Variants in DGKE observed in about 807,000 individuals in gnomAD.
DGKE encodes DAG kinase epsilon.
DGKE carries 53 observed loss-of-function variants against 70.0 expected under a neutral mutation model. That is an observed-to-expected ratio of 0.76 (90% CI 0.61 to 0.95). The LOEUF is 0.95. Among genes scored for constraint, DGKE ranks in the 40% least tolerant of loss-of-function variants. DGKE has a pLI of 0.00. For missense variants in DGKE, 655 were observed against 706.9 expected (o/e 0.93, Z 0.83); for synonymous variants, 291 against 257.0 (o/e 1.13, Z -1.27).
At chr17:56,850,874 G>A (rs1907604414) in intron 7 of DGKE, among the ~76,000 whole-genome samples, 2 of 152,196 alleles carry the variant, frequency 1.3e-5, no homozygotes, top group African/African-American at 4.8e-5. Flanking sequence ...TCACAAGCTA[G>A]ACTATAAATG....
At chr17:56,841,267 T>A (rs138344790) in intron 2 of DGKE, among the ~76,000 whole-genome samples, 2,499 of 98,344 alleles carry the variant, frequency 0.025, 72 homozygotes, top group African/African-American at 0.082. Context: ...AAAAAAAAAA[T>A]TTTTTTTAAA....
At position 56,835,145 on chromosome 17, in the gene DGKE, C is replaced by G. The variant is rs148908859; in HGVS notation, c.350C>G (p.Thr117Ser). Residue 117 changes from threonine to serine, a missense_variant, in exon 2 of 12, where the codon ACC becomes AGC. Thr to Ser is a moderately conservative substitution (Grantham distance 58). Coordinates refer to ENST00000284061, the MANE Select transcript of DGKE (RefSeq NM_003647.3). Reference sequence around the variant, plus strand: ...AAGGAGATTATGCTCAAGAATGACACCAAGGTCCTGGACGCCATGCCCCAC... The same window carrying G: ...AAGGAGATTATGCTCAAGAATGACAGCAAGGTCCTGGACGCCATGCCCCAC... ...QCKEIMLKND[T>S]KVLDAMPHHW... The G allele has an allele frequency of 2.5e-6, 4 of 1,613,970 alleles. No individual in the cohort carries two copies. The African/African-American group carries it at 5.3e-5, about 22-fold the overall frequency.
At chr17:56,857,551 T>C (rs1010969291) in intron 8 of DGKE, among the ~76,000 whole-genome samples, 10 of 152,234 alleles carry the variant, frequency 6.6e-5, no homozygotes, top group Admixed American at 1.3e-4. Flanking sequence ...TTTATTAATA[T>C]AGTTACTAAG....
intron 7 of DGKE, among the ~76,000 whole-genome samples, chr17:56,853,115 A>C (rs1487354481): frequency 2.0e-5 from 3 of 152,164 alleles, no homozygotes; most frequent in African/African-American, 7.2e-5. Flanking sequence ...ATGTCTCTTC[A>C]AGTCCTTTGC....
At chr17:56,851,923 C>T (rs767918729) in intron 7 of DGKE, among the ~76,000 whole-genome samples, 4 of 152,112 alleles carry the variant, frequency 2.6e-5, no homozygotes, top group Non-Finnish European at 5.9e-5. Flanking sequence ...AGCAAAGGAA[C>T]TGGACATGGG....
intron 2 of DGKE, among the ~76,000 whole-genome samples, chr17:56,841,206 G>A (rs1906957999): frequency 6.8e-6 from 1 of 146,932 alleles, no homozygotes; most frequent in African/African-American, 2.5e-5. Context: ...AGCCGAGATT[G>A]CACCACTGCA....
At position 56,834,839 on chromosome 17, in the gene DGKE, G is replaced by T. The variant is rs1433746703; in HGVS notation, c.44G>T (p.Gly15Val). 6.2e-7 allele frequency: 1 copy of T among 1,610,632 alleles called. No individual in the cohort carries two copies. The highest frequency in any genetic ancestry group is 8.5e-7 in the Non-Finnish European group (1 of 1,178,712). Residue 15 changes from glycine (G) to valine (V), a missense_variant, in exon 2 of 12, where the codon GGC (glycine) becomes GTC (valine). Gly to Val is a moderately radical substitution (Grantham distance 109). Transcript: ENST00000284061. ...RRPAPGSPSE[G>V]LFADGHLILW... ...CCGGCGCCGGGCTCGCCCTCCGAGGGCCTGTTTGCGGACGGGCACCTGATC... is the reference window on the plus strand; with the variant it reads ...CCGGCGCCGGGCTCGCCCTCCGAGGTCCTGTTTGCGGACGGGCACCTGATC...
chr17:56,839,780 C>G (rs1906852492), intron 2 of DGKE, among the ~76,000 whole-genome samples: 1 of 152,222 alleles, frequency 6.6e-6, no homozygotes, highest in African/African-American at 2.4e-5. Context: ...CTTGGCCTCC[C>G]AAAGTGCTGG....
intron 2 of DGKE, among the ~76,000 whole-genome samples, chr17:56,836,990 C>T (rs1906666126): frequency 6.6e-6 from 1 of 152,126 alleles, no homozygotes; most frequent in Admixed American, 6.6e-5. Flanking sequence ...CTCAGCTTCC[C>T]TCCTCCCCCA....
intron 2 of DGKE, among the ~76,000 whole-genome samples, chr17:56,843,421 A>G (rs1002560977): frequency 6.6e-6 from 1 of 152,114 alleles, no homozygotes; most frequent in African/African-American, 2.4e-5. Flanking sequence ...TGAGAGGTTG[A>G]GGGTGAAATA....
At chr17:56,858,117 C>T (rs1908063799) in intron 8 of DGKE, among the ~76,000 whole-genome samples, 1 of 150,574 alleles carries the variant, frequency 6.6e-6, no homozygotes, top group Admixed American at 6.6e-5. Flanking sequence ...TTCTATCCCA[C>T]ATTTCCCCTG....
chr17:56,866,323 A>T lies in DGKE; in HGVS notation c.*3532A>T, dbSNP rs1908524194. 1 of 152,172 alleles carries T rather than the reference A, an allele frequency of 6.6e-6. No homozygotes were observed. Among genetic ancestry groups the T allele is most frequent in the Non-Finnish European group, 1.5e-5 (1 of 68,034 alleles). 9.4% of individuals were successfully genotyped at this position (152,172 alleles called of 1,614,324 possible). On this transcript the variant is annotated 3_prime_UTR_variant, in exon 12 of 12. Transcript: ENST00000284061. ...ACTTAATGATTCCCTGTCTCTGGAGATGCAACATAGAAATCTCTGTTTTTA... is the reference window on the plus strand; with the variant it reads ...ACTTAATGATTCCCTGTCTCTGGAGTTGCAACATAGAAATCTCTGTTTTTA...
intron 2 of DGKE, 139 bp downstream of exon 2, chr17:56,835,398 C>T (rs960259165): frequency 1.4e-5 from 13 of 927,408 alleles, no homozygotes; most frequent in Non-Finnish European, 1.9e-5. Context: ...ATAAACATCC[C>T]TGAGTTTGTG....
At chr17:56,842,778 T>A (rs1197980492) in intron 2 of DGKE, among the ~76,000 whole-genome samples, 1 of 152,214 alleles carries the variant, frequency 6.6e-6, no homozygotes, top group Non-Finnish European at 1.5e-5. Flanking sequence ...AACCATTCTT[T>A]TCTGGTGGCC....
At position 56,848,051 on chromosome 17, in the gene DGKE, G is replaced by T. The variant is rs1181954531; in HGVS notation, c.874G>T (p.Asp292Tyr). 1.5e-5 allele frequency: 24 copies of T among 1,567,500 alleles called. No individual in the cohort carries two copies. Among genetic ancestry groups the T allele is most frequent in the Admixed American group, 1.9e-5 (1 of 53,868 alleles). ...TVGWVLDAVD[D>Y]MKIKGQEKYI... ...AGGGTGGGTCCTGGATGCAGTTGAT[G>T]ACATGAAGATTAAGGTATTAGTCTT... is the stretch of plus-strand genomic sequence containing the variant. The change falls in exon 5 of 12, where the codon GAC becomes TAC. Residue 292 changes from aspartate (D) to tyrosine (Y), a missense_variant. Physicochemically the swap from Asp to Tyr is radical, Grantham distance 160 (BLOSUM62 -3). Coordinates refer to ENST00000284061, the MANE Select transcript of DGKE (RefSeq NM_003647.3).
chr17:56,846,740 A>G (rs1308443474), intron 4 of DGKE, among the ~76,000 whole-genome samples: 1 of 152,220 alleles, frequency 6.6e-6, no homozygotes, highest in Non-Finnish European at 1.5e-5. Context: ...AATATTATAC[A>G]GTTTAAGAAA....
At position 56,849,178 on chromosome 17, in the gene DGKE, T is replaced by C. The variant is rs1380928614; in HGVS notation, c.1047-3T>C. Reference sequence around the variant, plus strand: ...GCTGTTTTTTTTAACTTCTGTTTTTTAGATGGAAAGTTCAAGTAACAAATA... The same window carrying C: ...GCTGTTTTTTTTAACTTCTGTTTTTCAGATGGAAAGTTCAAGTAACAAATA... On this transcript the variant is annotated splice_polypyrimidine_tract_variant and splice_region_variant and intron_variant, in intron 6 of 11. Coordinates refer to ENST00000284061, the MANE Select transcript of DGKE (RefSeq NM_003647.3). The C allele has an allele frequency of 1.9e-6, 3 of 1,609,520 alleles. No homozygotes were observed. In the Admixed American group the frequency reaches 5.1e-5, roughly 27 times the overall value.
intron 4 of DGKE, 44 bp downstream of exon 4, chr17:56,845,853 C>T (rs767089829): frequency 2.2e-4 from 335 of 1,529,942 alleles, no homozygotes; most frequent in Non-Finnish European, 2.7e-4. Context: ...TTTCATTTTC[C>T]CCAAAATGCA....
rs922977806 is a variant in DGKE, at chr17:56,834,161, C to G, written c.-118C>G. ...TGCGGCTGGAGCCTTAAGCGTTTCC[C>G]CCGCCCGGCTTCATCCCTGCTGGCG... On this transcript the variant is annotated 5_prime_UTR_variant, in exon 1 of 12. Transcript: ENST00000284061. The G allele has an allele frequency of 2.6e-5, 4 of 152,352 alleles. No homozygotes were observed. Among genetic ancestry groups the G allele is most frequent in the Non-Finnish European group, 5.9e-5 (4 of 68,166 alleles). 9.4% of individuals were successfully genotyped at this position (152,352 alleles called of 1,614,324 possible).
Sources: gnomAD v4.1 joint callset for allele counts (sites outside exome capture counted in the v4.1 genomes callset) on GRCh38, gnomAD v4.1.1 for gene constraint, MANE v1.5 for transcripts, NCBI Gene and HGNC (gene_info 2026-07-23, HGNC 2026-07-21) for gene names.